Variants in IPO9 observed in about 807,000 individuals in gnomAD.
IPO9 encodes the protein importin 9, also known as importin-9.
A neutral mutation model predicts 128.6 loss-of-function variants in IPO9; 28 were observed. That is an observed-to-expected ratio of 0.22 (90% CI 0.16 to 0.30). The LOEUF is 0.30. Among genes scored for constraint, IPO9 ranks in the 10% least tolerant of loss-of-function variants. The pLI is 1.00. For missense variants in IPO9, 935 were observed against 1,293.9 expected, an observed-to-expected ratio of 0.72 and a Z score of 4.26; for synonymous variants, 455 against 475.8, an observed-to-expected ratio of 0.96 and a Z score of 0.57.
At chr1:201,875,000 G>A (rs2678203) in intron 22 of IPO9, 64 bp downstream of exon 22, 1,382,091 of 1,389,390 alleles carry the variant, frequency 0.99, 687,723 homozygotes, top group East Asian at 1. Context: ...GATCCCAACA[G>A]TGGGGTACCC....
intron 1 of IPO9, among the ~76,000 whole-genome samples, chr1:201,834,273 G>T (rs1679887643): frequency 1.3e-5 from 2 of 150,404 alleles, no homozygotes; most frequent in Admixed American, 1.3e-4. Context: ...TGTTTAATAG[G>T]CAGGTTCATA....
chr1:201,835,430 A>G (rs1679905513), intron 1 of IPO9, among the ~76,000 whole-genome samples: 2 of 152,242 alleles, frequency 1.3e-5, no homozygotes, highest in South Asian at 2.1e-4. Context: ...AGACTAGAGA[A>G]TGAAAGAGGG....
chr1:201,853,242 G>A, intron 6 of IPO9, 145 bp downstream of exon 6: 1 of 694,028 alleles, frequency 1.4e-6, no homozygotes, highest in South Asian at 1.8e-5. Flanking sequence ...AATTATTGTT[G>A]TTATTTTTCC....
At chr1:201,873,444 CAAAAAAAAAAAA>C (rs571580169) in intron 20 of IPO9, among the ~76,000 whole-genome samples, 1 of 58,230 alleles carries the variant, frequency 1.7e-5, no homozygotes, top group Admixed American at 2.0e-4. Flanking sequence ...GACTCCGTCT[CAAAAAAAAAAAA>C]AAAAAAAAAA....
chr1:201,871,091 CCAGTTCCCTCT>C (rs1680642582), intron 18 of IPO9, 59 bp from the exon 19 acceptor site: 1 of 1,474,170 alleles, frequency 6.8e-7, no homozygotes. Flanking sequence ...ATCTGACTGG[CCAGTTCCCTCT>C]CATCTCCTAT....
chr1:201,870,492 G>A lies in IPO9; in HGVS notation c.2134-91G>A, dbSNP rs369577541. 3.2e-4 allele frequency: 452 copies of A among 1,414,164 alleles called. 2 individuals are homozygous for A. The African/African-American group carries it at 5.8e-3, about 18-fold the overall frequency. The allele number at this position is 1,414,164 out of a possible 1,614,324, so 87.6% of individuals were successfully genotyped here. On this transcript the variant is annotated intron_variant, in intron 17 of 23. Coordinates refer to ENST00000361565, the MANE Select transcript of IPO9 (RefSeq NM_018085.5). The surrounding 1 kb of genome is among the most constrained non-coding windows in gnomAD (Gnocchi z 4.9). ...AGACTCACCGCTTTTATGAGGCATAGGCCTCTGGGAACATTTGTTTATACA... is the reference window on the plus strand; with the variant it reads ...AGACTCACCGCTTTTATGAGGCATAAGCCTCTGGGAACATTTGTTTATACA...
intron 19 of IPO9, 43 bp from the exon 20 acceptor site, chr1:201,872,785 A>G (rs747072008): frequency 1.3e-6 from 2 of 1,583,246 alleles, no homozygotes; most frequent in Non-Finnish European, 1.7e-6. Flanking sequence ...AGTGAACTCG[A>G]GATGGGCGGC....
chr1:201,862,350 C>T (rs1029609691), intron 13 of IPO9, among the ~76,000 whole-genome samples: 1 of 151,070 alleles, frequency 6.6e-6, no homozygotes, highest in East Asian at 2.0e-4. Context: ...CCCAGCTGCT[C>T]GGGAGGCTGA....
intron 1 of IPO9, among the ~76,000 whole-genome samples, chr1:201,842,234 GCTTTTACAGATTTTTCTA>G (rs1186691960): frequency 1.3e-5 from 2 of 152,160 alleles, no homozygotes; most frequent in Non-Finnish European, 2.9e-5. Flanking sequence ...TTAGGGAAAT[GCTTTTACAGATTTTTCTA>G]CAAAGGATAT....
chr1:201,874,440 C>T, intron 21 of IPO9, 68 bp downstream of exon 21: 1 of 1,546,952 alleles, frequency 6.5e-7, no homozygotes, highest in Non-Finnish European at 8.7e-7. Context: ...GTCAAATTAT[C>T]AACTTGGTTT....
chr1:201,875,933 C>T lies in IPO9; in HGVS notation c.3016-11C>T. The T allele has an allele frequency of 6.4e-7, 1 of 1,567,872 alleles. No individual in the cohort carries two copies. The highest frequency in any genetic ancestry group is 1.4e-5 in the African/African-American group (1 of 74,060). ...ATGTCTCACTAATGCCACTCTTGCT[C>T]TTTCCTCCAGGCATATCTCACAGAT... On this transcript the variant is annotated splice_polypyrimidine_tract_variant and intron_variant, in intron 23 of 23. Transcript: ENST00000361565.
At chr1:201,840,731 AT>A (rs1680020711) in intron 1 of IPO9, among the ~76,000 whole-genome samples, 1 of 152,216 alleles carries the variant, frequency 6.6e-6, no homozygotes, top group African/African-American at 2.4e-5. Flanking sequence ...CTTTGAACTG[AT>A]TTGGAAATCC....
chr1:201,859,180 A>AATAAATAAATATAT (rs371428335), intron 13 of IPO9, among the ~76,000 whole-genome samples, 186 bp downstream of exon 13: 8 of 83,478 alleles, frequency 9.6e-5, no homozygotes, highest in African/African-American at 1.6e-4. Context: ...CTCAAAGTAT[A>AATAAATAAATATAT]ATATATATAT....
chr1:201,847,618 C>T lies in IPO9; in HGVS notation c.292C>T (p.Pro98Ser). 6.2e-7 allele frequency: 1 copy of T among 1,612,990 alleles called. No homozygotes were observed. The highest frequency in any genetic ancestry group is 8.5e-7 in the Non-Finnish European group (1 of 1,179,038). ...HWCAQSEKFR[P>S]PETTERAKIV... is the part of the protein sequence containing the mutation. ...GTGTGCCCAATCAGAGAAATTTAGG[C>T]CTCCTGAAACTACAGAAAGGGTAAG... Residue 98 changes from proline to serine, a missense_variant, in exon 3 of 24, where the codon CCT becomes TCT. Around this residue, in one of 3 missense-constraint regions of IPO9, gnomAD observed 741 missense variants for 1,019.1 expected, o/e 0.73. Transcript: ENST00000361565.
chr1:201,853,220 A>G lies in IPO9; in HGVS notation c.690+123A>G, dbSNP rs763982824. On this transcript the variant is annotated intron_variant, in intron 6 of 23. Coordinates refer to ENST00000361565, the MANE Select transcript of IPO9 (RefSeq NM_018085.5). ...CTAACCAGTATTAGAGATAGATTTA[A>G]CATTTTTATTAAATTATTGTTGTTA... 597 of 761,082 alleles carry G rather than the reference A, an allele frequency of 7.8e-4. 4 individuals are homozygous for G. The highest frequency in any genetic ancestry group is 8.9e-4 in the Middle Eastern group (3 of 3,378). 47.1% of individuals were successfully genotyped at this position (761,082 alleles called of 1,614,324 possible).
intron 16 of IPO9, among the ~76,000 whole-genome samples, chr1:201,869,227 G>A (rs1349405558): frequency 6.6e-6 from 1 of 152,120 alleles, no homozygotes; most frequent in African/African-American, 2.4e-5. Flanking sequence ...CTCCAGCCTG[G>A]GTGACAGAGC....
chr1:201,883,937 A>G lies in IPO9; in HGVS notation c.*7883A>G, dbSNP rs1680935915. ...CTTTTTCCCTTGAACAGGGAGAGAGACACAATGGATCAGAGTGTCTCTGCC... is the reference window on the plus strand; with the variant it reads ...CTTTTTCCCTTGAACAGGGAGAGAGGCACAATGGATCAGAGTGTCTCTGCC... On this transcript the variant is annotated 3_prime_UTR_variant, in exon 24 of 24. Transcript: ENST00000361565. The G allele has an allele frequency of 6.6e-6, 1 of 152,242 alleles. No individual in the cohort carries two copies. The highest frequency in any genetic ancestry group is 2.4e-5 in the African/African-American group (1 of 41,450). 9.4% of individuals were successfully genotyped at this position (152,242 alleles called of 1,614,324 possible).
chr1:201,837,694 A>T (rs373634828), intron 1 of IPO9, among the ~76,000 whole-genome samples: 21 of 152,344 alleles, frequency 1.4e-4, no homozygotes, highest in African/African-American at 4.8e-4. Context: ...TGTAGTAATG[A>T]TCCAAAAATT....
In IPO9 at chr1:201,883,795, CA is replaced by C. The variant is rs1680933440; in HGVS notation, c.*7744del. 6.6e-6 allele frequency: 1 copy of C among 152,256 alleles called. No individual in the cohort carries two copies. Among genetic ancestry groups the C allele is most frequent in the African/African-American group, 2.4e-5 (1 of 41,468 alleles). The allele number at this position is 152,256 out of a possible 1,614,324, so 9.4% of individuals were successfully genotyped here. ...TCTTCCACACCTGATTTTGTGATTGCAAATTCATAACTAATATCCCTCGTCA... is the reference window on the plus strand; with the variant it reads ...TCTTCCACACCTGATTTTGTGATTGCAATTCATAACTAATATCCCTCGTCA... On this transcript the variant is annotated 3_prime_UTR_variant, in exon 24 of 24. Coordinates refer to ENST00000361565, the MANE Select transcript of IPO9 (RefSeq NM_018085.5).
Sources: gnomAD v4.1 joint callset for allele counts (sites outside exome capture counted in the v4.1 genomes callset) on GRCh38, gnomAD v4.1.1 for gene constraint, gnomAD v4.1.1 regional missense constraint, Gnocchi (gnomAD v3.1) non-coding constraint, MANE v1.5 for transcripts, NCBI Gene and HGNC (gene_info 2026-07-23, HGNC 2026-07-21) for gene names.